ZNF385B: variants seen among roughly 807,000 people sequenced by gnomAD.
ZNF385B encodes the protein zinc finger protein 533.
In ZNF385B, 23 loss-of-function variants were observed where a neutral mutation model predicts 39.2. The ratio of observed to expected loss-of-function variants is 0.59; its 90% CI spans 0.42 to 0.83. The LOEUF (loss-of-function observed/expected upper bound fraction) is 0.83. ZNF385B is among the 40% of genes least tolerant of loss of function. ZNF385B has a pLI of 0.00. For synonymous variants in ZNF385B, 205 were observed against 222.6 expected, an observed-to-expected ratio of 0.92 and a Z score of 0.70; for missense variants, 552 against 598.9, an observed-to-expected ratio of 0.92 and a Z score of 0.82.
At chr2:179,631,207 A>T (rs1280343789) in intron 3 of ZNF385B, among the ~76,000 whole-genome samples, 1 of 152,172 alleles carries the variant, frequency 6.6e-6, no homozygotes, top group Non-Finnish European at 1.5e-5. Flanking sequence ...CAACCACAGG[A>T]CATGTAATTG....
intron 3 of ZNF385B, among the ~76,000 whole-genome samples, chr2:179,762,216 G>C (rs1703440395): frequency 6.6e-6 from 1 of 152,008 alleles, no homozygotes; most frequent in African/African-American, 2.4e-5. Flanking sequence ...TAGAGATGGA[G>C]TCCTGCTCTG....
chr2:179,620,321 G>A (rs564987177), intron 3 of ZNF385B, among the ~76,000 whole-genome samples: 1 of 152,246 alleles, frequency 6.6e-6, no homozygotes, highest in East Asian at 1.9e-4. Flanking sequence ...ACTCTGCAGT[G>A]ATACTCTGAT....
intron 1 of ZNF385B, among the ~76,000 whole-genome samples, chr2:179,853,414 A>G (rs1684336845): frequency 6.6e-6 from 1 of 152,204 alleles, no homozygotes. Context: ...GGTCTTCCAA[A>G]AGTTCAAGAA....
intron 3 of ZNF385B, among the ~76,000 whole-genome samples, chr2:179,598,251 G>A (rs925447138): frequency 6.6e-6 from 1 of 152,034 alleles, no homozygotes; most frequent in African/African-American, 2.4e-5. Context: ...TTCCTGAGAC[G>A]ACTCAACTGC....
chr2:179,860,169 G>T (rs1684925009), intron 1 of ZNF385B, among the ~76,000 whole-genome samples: 1 of 152,092 alleles, frequency 6.6e-6, no homozygotes, highest in Non-Finnish European at 1.5e-5. Flanking sequence ...AAACCAAAAG[G>T]AAATGCAAAC....
intron 1 of ZNF385B, among the ~76,000 whole-genome samples, chr2:179,855,586 T>C (rs944681437): frequency 2.0e-5 from 3 of 152,216 alleles, no homozygotes; most frequent in African/African-American, 7.2e-5. Flanking sequence ...TCAGTATATA[T>C]ACTTTCTTCA....
intron 5 of ZNF385B, among the ~76,000 whole-genome samples, chr2:179,508,087 A>AT (rs11460717): frequency 0.71 from 107,663 of 151,746 alleles, 39,296 homozygotes; most frequent in East Asian, 0.91. Context: ...TAGTAAACTT[A>AT]TTTTTTTTGT....
At chr2:179,700,422 C>A (rs1046385440) in intron 3 of ZNF385B, among the ~76,000 whole-genome samples, 1 of 152,104 alleles carries the variant, frequency 6.6e-6, no homozygotes, top group Non-Finnish European at 1.5e-5. Context: ...TTCTTAAATC[C>A]AAACTGCCAC....
chr2:179,445,652 T>C lies in ZNF385B; in HGVS notation c.1038A>G (p.Arg346=). ...PIKSYPRPGS[R]LKMQNGSKGS... is the part of the protein sequence containing the mutation. ...CCTTACTGCCATTCTGCATCTTTAA[T>C]CTTGATCCAGGTCTAGGATAGGATT... Residue 346 remains arginine (R), a synonymous_variant, in exon 8 of 10, where the codon AGA becomes AGG. Transcript: ENST00000410066. 6.2e-7 allele frequency: 1 copy of C among 1,614,102 alleles called. No individual in the cohort carries two copies. The highest frequency in any genetic ancestry group is 8.5e-7 in the Non-Finnish European group (1 of 1,179,978).
chr2:179,828,517 C>T (rs761276688), intron 1 of ZNF385B, among the ~76,000 whole-genome samples: 2 of 152,012 alleles, frequency 1.3e-5, no homozygotes, highest in Non-Finnish European at 2.9e-5. Flanking sequence ...GAAATAAATC[C>T]TTTATTCACT....
At chr2:179,611,496 T>C (rs1294643887) in intron 3 of ZNF385B, among the ~76,000 whole-genome samples, 1 of 152,270 alleles carries the variant, frequency 6.6e-6, no homozygotes, top group Non-Finnish European at 1.5e-5. Flanking sequence ...TATTGGCCGA[T>C]AGTTCTCTGT....
chr2:179,461,234 T>C (rs1341819120), intron 6 of ZNF385B, among the ~76,000 whole-genome samples: 2 of 151,986 alleles, frequency 1.3e-5, no homozygotes, highest in Non-Finnish European at 2.9e-5. Flanking sequence ...GTTTGCTGAG[T>C]AGGGGAGAGA....
At chr2:179,785,410 T>C (rs1704934771) in intron 1 of ZNF385B, among the ~76,000 whole-genome samples, 1 of 152,122 alleles carries the variant, frequency 6.6e-6, no homozygotes, top group Non-Finnish European at 1.5e-5. Flanking sequence ...ATTTAAGAAA[T>C]ACATTTTGAA....
intron 3 of ZNF385B, among the ~76,000 whole-genome samples, chr2:179,646,685 C>T (rs2106235662): frequency 6.6e-6 from 1 of 152,200 alleles, no homozygotes; most frequent in Middle Eastern, 3.4e-3. Flanking sequence ...CTTTAACATG[C>T]CAAATTAAAA....
chr2:179,445,648 T>A lies in ZNF385B; in HGVS notation c.1042A>T (p.Lys348Ter), dbSNP rs1213929488. 1.2e-6 allele frequency: 2 copies of A among 1,613,994 alleles called. No homozygotes were observed. Among genetic ancestry groups the A allele is most frequent in the Non-Finnish European group, 1.7e-6 (2 of 1,179,992 alleles). Residue 348 changes from lysine (K) to a stop codon, truncating the protein, a stop_gained, in exon 8 of 10, where the codon AAG (lysine) becomes TAG (stop). Transcript: ENST00000410066. LOFTEE classifies it high-confidence loss of function. ...KSYPRPGSRL[K>*]MQNGSKGSGL... ...GACCCCTTACTGCCATTCTGCATCT[T>A]TAATCTTGATCCAGGTCTAGGATAG...
At chr2:179,783,863 T>A (rs1704825475) in intron 1 of ZNF385B, among the ~76,000 whole-genome samples, 1 of 152,080 alleles carries the variant, frequency 6.6e-6, no homozygotes, top group Non-Finnish European at 1.5e-5. Flanking sequence ...CACTTATATA[T>A]ACTGTTGCTG....
At chr2:179,704,338 C>T (rs1699429535) in intron 3 of ZNF385B, among the ~76,000 whole-genome samples, 1 of 152,084 alleles carries the variant, frequency 6.6e-6, no homozygotes, top group African/African-American at 2.4e-5. Context: ...TCTGTAAAGA[C>T]ATATAGAAAA....
chr2:179,546,247 C>T (rs1479029556), intron 3 of ZNF385B, among the ~76,000 whole-genome samples: 1 of 151,838 alleles, frequency 6.6e-6, no homozygotes, highest in Non-Finnish European at 1.5e-5. Context: ...ACATTGCCCA[C>T]GCTGGTCTCG....
chr2:179,802,657 C>T (rs1706105462), intron 1 of ZNF385B: 4 of 152,082 alleles, frequency 2.6e-5, no homozygotes, highest in Admixed American at 2.6e-4. Flanking sequence ...CTGTGTTCTA[C>T]CATTATGTCA....
Sources: gnomAD v4.1 joint callset for allele counts (sites outside exome capture counted in the v4.1 genomes callset) on GRCh38, gnomAD v4.1.1 for gene constraint, MANE v1.5 for transcripts, NCBI Gene and HGNC (gene_info 2026-07-23, HGNC 2026-07-21) for gene names.